MARCHF1: variants seen among roughly 807,000 people sequenced by gnomAD.
MARCHF1 encodes the protein membrane associated ring-CH-type finger 1, also known as E3 ubiquitin-protein ligase MARCHF1.
In MARCHF1, 40 loss-of-function variants were observed where a neutral mutation model predicts 54.2. The ratio of observed to expected loss-of-function variants is 0.74; its 90% confidence interval spans 0.57 to 0.96. The LOEUF (loss-of-function observed/expected upper bound fraction) is 0.96. MARCHF1 is among the 40% of genes least tolerant of loss of function. The pLI is 0.00. For missense variants in MARCHF1, 586 were observed against 656.5 expected, an observed-to-expected ratio of 0.89 and a Z score of 1.17; for synonymous variants, 236 against 236.3, an observed-to-expected ratio of 1.00 and a Z score of 0.01.
chr4:163,955,274 T>G (rs1339463943), intron 3 of MARCHF1, among the ~76,000 whole-genome samples: 1 of 125,226 alleles, frequency 8.0e-6, no homozygotes, highest in Admixed American at 8.4e-5. Context: ...CAGTCCGGAG[T>G]AACTCTCCAG....
intron 5 of MARCHF1, among the ~76,000 whole-genome samples, chr4:163,661,969 T>C (rs1442428444): frequency 1.3e-5 from 2 of 152,120 alleles, no homozygotes; most frequent in South Asian, 2.1e-4. Context: ...GAAATAACTT[T>C]ATTTCAAAAA....
At chr4:163,530,326 G>T (rs1364608626) in intron 9 of MARCHF1, 1 of 151,932 alleles carries the variant, frequency 6.6e-6, no homozygotes, top group African/African-American at 2.4e-5. Flanking sequence ...CATGTTGCAA[G>T]ATCTTTCTGA....
At chr4:163,977,170 T>C (rs2110855804) in intron 3 of MARCHF1, among the ~76,000 whole-genome samples, 1 of 151,702 alleles carries the variant, frequency 6.6e-6, no homozygotes, top group Non-Finnish European at 1.5e-5. Context: ...TAATTGTTAT[T>C]AATATTAGTG....
At chr4:163,650,014 G>A (rs1202492972) in intron 5 of MARCHF1, among the ~76,000 whole-genome samples, 1 of 151,700 alleles carries the variant, frequency 6.6e-6, no homozygotes, top group Non-Finnish European at 1.5e-5. Flanking sequence ...TCTTTAGGAT[G>A]TAAGCTCTGA....
At chr4:163,707,003 T>C (rs376378060) in intron 4 of MARCHF1, among the ~76,000 whole-genome samples, 4 of 152,066 alleles carry the variant, frequency 2.6e-5, no homozygotes, top group African/African-American at 4.8e-5. Flanking sequence ...GTATTGAGGA[T>C]AGTTGATACA....
intron 4 of MARCHF1, among the ~76,000 whole-genome samples, chr4:163,705,171 C>A (rs996622844): frequency 6.6e-6 from 1 of 151,594 alleles, no homozygotes; most frequent in African/African-American, 2.4e-5. Context: ...TAAGGGCATG[C>A]TGATTTTACA....
chr4:163,917,598 AT>A (rs1751337855), intron 3 of MARCHF1, among the ~76,000 whole-genome samples: 1 of 151,914 alleles, frequency 6.6e-6, no homozygotes, highest in Non-Finnish European at 1.5e-5. Context: ...TTTTTTCCTG[AT>A]ACTAAATTTA....
chr4:164,272,268 A>G (rs1458324711), intron 1 of MARCHF1, among the ~76,000 whole-genome samples: 2 of 152,048 alleles, frequency 1.3e-5, no homozygotes, highest in Non-Finnish European at 2.9e-5. Flanking sequence ...CTTCATTGCT[A>G]GTATGTACTC....
chr4:163,745,358 C>A (rs939994525), intron 4 of MARCHF1, among the ~76,000 whole-genome samples: 1 of 152,048 alleles, frequency 6.6e-6, no homozygotes, highest in East Asian at 1.9e-4. Flanking sequence ...TGTGATCCAC[C>A]GGCCTCAGCC....
intron 4 of MARCHF1, among the ~76,000 whole-genome samples, chr4:163,812,891 C>G (rs1748432365): frequency 6.6e-6 from 1 of 152,170 alleles, no homozygotes; most frequent in South Asian, 2.1e-4. Flanking sequence ...GACTGTATAA[C>G]ATCACAACAG....
At chr4:163,904,379 G>A (rs1160949542) in intron 3 of MARCHF1, among the ~76,000 whole-genome samples, 1 of 152,096 alleles carries the variant, frequency 6.6e-6, no homozygotes, top group Non-Finnish European at 1.5e-5. Context: ...GTTATATTAG[G>A]GCAGGGTTAG....
chr4:163,831,314 T>C (rs1009861604), intron 4 of MARCHF1, among the ~76,000 whole-genome samples: 1 of 152,182 alleles, frequency 6.6e-6, no homozygotes, highest in Non-Finnish European at 1.5e-5. Flanking sequence ...CCAGACACAG[T>C]GGCTGACGCC....
chr4:163,693,398 C>T (rs563566269), intron 5 of MARCHF1, among the ~76,000 whole-genome samples: 1 of 151,512 alleles, frequency 6.6e-6, no homozygotes, highest in African/African-American at 2.4e-5. Context: ...AATGATGCCT[C>T]TTTAACAGAT....
At chr4:163,642,955 A>G (rs1373095315) in intron 5 of MARCHF1, among the ~76,000 whole-genome samples, 2 of 151,862 alleles carry the variant, frequency 1.3e-5, no homozygotes, top group Non-Finnish European at 2.9e-5. Flanking sequence ...ATACATACAT[A>G]TACATATGTG....
At chr4:164,360,114 G>A (rs4318612) in intron 1 of MARCHF1, among the ~76,000 whole-genome samples, 78,829 of 151,716 alleles carry the variant, frequency 0.52, 21,412 homozygotes, top group East Asian at 0.65. Context: ...TTGTGTAATC[G>A]TTAACAAGAG....
chr4:163,977,394 C>T (rs1277903193), intron 3 of MARCHF1, among the ~76,000 whole-genome samples: 2 of 152,116 alleles, frequency 1.3e-5, no homozygotes, highest in Non-Finnish European at 2.9e-5. Context: ...CCCTTGTTGA[C>T]ATCAAACAAA....
chr4:164,012,577 C>G (rs560120758), intron 2 of MARCHF1, among the ~76,000 whole-genome samples: 1 of 151,676 alleles, frequency 6.6e-6, no homozygotes, highest in Non-Finnish European at 1.5e-5. Context: ...TTGGGTGAGT[C>G]CCAGTATTTT....
chr4:163,704,538 G>T (rs567370362), intron 4 of MARCHF1, among the ~76,000 whole-genome samples: 106 of 151,612 alleles, frequency 7.0e-4, no homozygotes, highest in Admixed American at 9.9e-4. Context: ...AGACTTTACA[G>T]GGTCTTTTTT....
intron 3 of MARCHF1, among the ~76,000 whole-genome samples, chr4:163,876,799 C>T (rs775070747): frequency 1.3e-5 from 2 of 151,974 alleles, no homozygotes; most frequent in African/African-American, 2.4e-5. Flanking sequence ...CTTGCATGTG[C>T]GTGTAGAATA....
Sources: allele counts gnomAD v4.1 joint callset (sites outside exome capture counted in the v4.1 genomes callset), GRCh38; gene constraint gnomAD v4.1.1; transcripts MANE v1.5; gene names NCBI Gene and HGNC (gene_info 2026-07-23, HGNC 2026-07-21).